EPB41L4B: variants seen among roughly 807,000 people sequenced by gnomAD.
EPB41L4B encodes the protein band 4.1-like protein 4B.
EPB41L4B carries 30 observed loss-of-function variants against 112.5 expected under a neutral mutation model. The ratio of observed to expected loss-of-function variants is 0.27; its 90% CI spans 0.20 to 0.36. EPB41L4B has a LOEUF of 0.36. EPB41L4B is among the 10% of genes least tolerant of loss of function. The pLI, the probability that EPB41L4B is intolerant of heterozygous loss-of-function variation, is 1.00. For synonymous variants in EPB41L4B, 408 were observed against 439.7 expected, an observed-to-expected ratio of 0.93 and a Z score of 0.90; for missense variants, 1,024 against 1,133.3, an observed-to-expected ratio of 0.90 and a Z score of 1.38.
At chr9:109,269,009 C>G (rs113780236) in intron 2 of EPB41L4B, among the ~76,000 whole-genome samples, 1 of 151,966 alleles carries the variant, frequency 6.6e-6, no homozygotes, top group East Asian at 1.9e-4. Flanking sequence ...GAACATAAAA[C>G]CCCTTAACCA....
intron 18 of EPB41L4B, 139 bp from the exon 19 acceptor site, chr9:109,203,869 G>C (rs1832911612): frequency 2.9e-6 from 2 of 681,848 alleles, no homozygotes; most frequent in Non-Finnish European, 5.2e-6. Context: ...TCAATCAATA[G>C]AGAATCTTGC....
At chr9:109,294,672 CTG>C (rs56261244) in intron 1 of EPB41L4B, among the ~76,000 whole-genome samples, 2,825 of 147,816 alleles carry the variant, frequency 0.019, 22 homozygotes, top group Middle Eastern at 0.031. Flanking sequence ...GATATTGTGG[CTG>C]TGTGTGTGTG....
At chr9:109,307,330 T>C in intron 1 of EPB41L4B, 2 of 431,050 alleles carry the variant, frequency 4.6e-6, no homozygotes. Context: ...CCCATAGCTC[T>C]AGAATACTGA....
chr9:109,190,533 G>A (rs1027974950), intron 22 of EPB41L4B, among the ~76,000 whole-genome samples: 2 of 152,176 alleles, frequency 1.3e-5, no homozygotes, highest in Non-Finnish European at 2.9e-5. Flanking sequence ...GCAACTCTGA[G>A]GACCAAACCT....
chr9:109,181,439 T>G (rs1344922349), intron 24 of EPB41L4B, among the ~76,000 whole-genome samples: 1 of 152,206 alleles, frequency 6.6e-6, no homozygotes, highest in Non-Finnish European at 1.5e-5. Flanking sequence ...CTGACAGGTG[T>G]GGGATGTTTT....
chr9:109,268,317 C>T, intron 3 of EPB41L4B, 74 bp downstream of exon 3: 8 of 1,331,364 alleles, frequency 6.0e-6, no homozygotes, highest in Non-Finnish European at 7.3e-6. Context: ...GAAAACATAA[C>T]ACCTCAAAAC....
At chr9:109,230,092 C>A (rs1021680081) in intron 15 of EPB41L4B, among the ~76,000 whole-genome samples, 2 of 152,188 alleles carry the variant, frequency 1.3e-5, no homozygotes, top group African/African-American at 2.4e-5. Context: ...GAGCAAAAAA[C>A]CCCAAAATCT....
chr9:109,212,723 G>C (rs1833225903), intron 17 of EPB41L4B, among the ~76,000 whole-genome samples: 4 of 152,162 alleles, frequency 2.6e-5, no homozygotes, highest in Non-Finnish European at 5.9e-5. Context: ...TCTTCCTTAG[G>C]GGATTTAAAA....
At chr9:109,301,506 C>T (rs1220998942) in intron 1 of EPB41L4B, among the ~76,000 whole-genome samples, 1 of 152,206 alleles carries the variant, frequency 6.6e-6, no homozygotes, top group African/African-American at 2.4e-5. Flanking sequence ...TCCCCTTCCT[C>T]GTCAATCCCT....
intron 1 of EPB41L4B, among the ~76,000 whole-genome samples, chr9:109,302,115 T>C (rs1836992398): frequency 6.6e-6 from 1 of 152,178 alleles, no homozygotes; most frequent in Admixed American, 6.5e-5. Context: ...TAAAAGCATG[T>C]AAAAACCATA....
intron 1 of EPB41L4B, among the ~76,000 whole-genome samples, chr9:109,302,543 A>T (rs1837009637): frequency 6.6e-6 from 1 of 152,120 alleles, no homozygotes; most frequent in Admixed American, 6.5e-5. Flanking sequence ...TCAGCCCCAA[A>T]CAGCTACCTC....
At chr9:109,221,211 T>C (rs182521997) in intron 15 of EPB41L4B, among the ~76,000 whole-genome samples, 33 of 152,076 alleles carry the variant, frequency 2.2e-4, no homozygotes, top group East Asian at 5.8e-4. Context: ...CCATAAATAT[T>C]TGATGGAAGG....
chr9:109,194,548 C>T lies in EPB41L4B; in HGVS notation c.2046-151G>A, dbSNP rs1832577760. On this transcript the variant is annotated intron_variant, in intron 20 of 25. Coordinates refer to ENST00000374566, the MANE Select transcript of EPB41L4B (RefSeq NM_019114.5). ...CCACCAGATGTCCAGCTTGCAGGAT[C>T]CAATACTCTGACTTTTTTGCCAAAA... 10 of 796,476 alleles carry T rather than the reference C, an allele frequency of 1.3e-5. No homozygotes were observed. In the South Asian group the frequency reaches 2.0e-4, roughly 16 times the overall value. The allele number at this position is 796,476 out of a possible 1,614,324, so 49.3% of individuals were successfully genotyped here.
intron 15 of EPB41L4B, chr9:109,240,852 C>T: frequency 1.0e-6 from 1 of 985,422 alleles, no homozygotes; most frequent in East Asian, 1.1e-4. Flanking sequence ...CGCAAGTTAG[C>T]AGCACCAATC....
At chr9:109,257,068 T>C (rs1835009673) in intron 7 of EPB41L4B, among the ~76,000 whole-genome samples, 1 of 152,260 alleles carries the variant, frequency 6.6e-6, no homozygotes, top group African/African-American at 2.4e-5. Flanking sequence ...CAATGATGGC[T>C]TCCTGCAGGG....
At chr9:109,311,329 G>C (rs900071002) in intron 1 of EPB41L4B, among the ~76,000 whole-genome samples, 1 of 152,192 alleles carries the variant, frequency 6.6e-6, no homozygotes, top group Non-Finnish European at 1.5e-5. Flanking sequence ...CGAATGCTAT[G>C]CTGCAGACAA....
chr9:109,267,443 G>C (rs1160094991), intron 4 of EPB41L4B, 30 bp downstream of exon 4: 1 of 1,493,930 alleles, frequency 6.7e-7, no homozygotes, highest in East Asian at 2.3e-5. Context: ...AGCCCTGCTG[G>C]GCGGGAGCTT....
chr9:109,273,838 C>T (rs1835715750), intron 2 of EPB41L4B, among the ~76,000 whole-genome samples: 2 of 152,194 alleles, frequency 1.3e-5, no homozygotes, highest in Admixed American at 1.3e-4. Context: ...AGATCCCACT[C>T]TTAGCATTTA....
chr9:109,183,024 C>A (rs1362424088), intron 23 of EPB41L4B, among the ~76,000 whole-genome samples: 1 of 152,192 alleles, frequency 6.6e-6, no homozygotes, highest in Non-Finnish European at 1.5e-5. Flanking sequence ...GGGATGACAG[C>A]CTGGAGTCTC....
Sources: allele counts gnomAD v4.1 joint callset (sites outside exome capture counted in the v4.1 genomes callset), GRCh38; gene constraint gnomAD v4.1.1; transcripts MANE v1.5; gene names NCBI Gene and HGNC (gene_info 2026-07-23, HGNC 2026-07-21).